The following RCC1L variants were observed in gnomAD, a reference collection of about 807,000 sequenced individuals.
RCC1L encodes the protein RCC1-like G exchanging factor-like protein.
Under a neutral mutation model 58.6 loss-of-function variants are expected in RCC1L, and 46 were observed. The ratio of observed to expected loss-of-function variants is 0.79; its 90% CI spans 0.62 to 1.00. The LOEUF (loss-of-function observed/expected upper bound fraction) is 1.00. RCC1L is among the 50% of genes least tolerant of loss of function. The pLI is 0.00. For missense variants in RCC1L, 636 were observed against 623.6 expected, an observed-to-expected ratio of 1.02 and a Z score of -0.21; for synonymous variants, 281 against 262.9, an observed-to-expected ratio of 1.07 and a Z score of -0.67.
At chr7:75,036,954 T>C (rs1052002686) in intron 10 of RCC1L, among the ~76,000 whole-genome samples, 15 of 151,822 alleles carry the variant, frequency 9.9e-5, no homozygotes, top group African/African-American at 2.9e-4. Flanking sequence ...ACTGCTGGAG[T>C]TGTGGAACCA....
At chr7:75,052,414 C>T (rs945830258) in intron 10 of RCC1L, among the ~76,000 whole-genome samples, 36 of 152,214 alleles carry the variant, frequency 2.4e-4, no homozygotes, top group Non-Finnish European at 4.7e-4. Flanking sequence ...GGGCTACTCC[C>T]TCCAACCTCC....
chr7:75,062,652 T>C (rs1806312554), intron 5 of RCC1L, among the ~76,000 whole-genome samples: 1 of 152,216 alleles, frequency 6.6e-6, no homozygotes, highest in South Asian at 2.1e-4. Context: ...CTATCATAAA[T>C]ATTTCAATGC....
chr7:75,061,219 C>T lies in RCC1L; in HGVS notation c.775G>A (p.Asp259Asn). The part of the protein sequence containing the change: ...GEVYSCGWGA[D>N]GQTGLGHYNI... The stretch of plus-strand genomic sequence containing the variant: ...AAAAGAACTCTACCTGTTTGCCCAT[C>T]AGCACCCCATCCACAAGAATAGACT... Residue 259 changes from aspartate to asparagine, a missense_variant, in exon 6 of 11, where the codon GAT becomes AAT. Coordinates refer to ENST00000610322, the MANE Select transcript of RCC1L (RefSeq NM_030798.5). The T allele has an allele frequency of 6.2e-7, 1 of 1,613,812 alleles. No individual in the cohort carries two copies. The highest frequency in any genetic ancestry group is 8.5e-7 in the Non-Finnish European group (1 of 1,179,792).
chr7:75,053,461 A>C (rs1007894732), intron 9 of RCC1L, among the ~76,000 whole-genome samples: 2 of 152,180 alleles, frequency 1.3e-5, no homozygotes, highest in Admixed American at 1.3e-4. Context: ...TTGATTGTCC[A>C]TATCTTGGGA....
At chr7:75,057,922 C>T (rs1010651768) in intron 7 of RCC1L, 5 of 379,650 alleles carry the variant, frequency 1.3e-5, no homozygotes, top group South Asian at 6.4e-5. Flanking sequence ...CTCTGGGAGG[C>T]GGAGGCAGGT....
intron 10 of RCC1L, among the ~76,000 whole-genome samples, chr7:75,046,532 A>G: frequency 6.6e-6 from 1 of 152,220 alleles, no homozygotes; most frequent in Admixed American, 6.5e-5. Context: ...CCTGGGAGCC[A>G]GCCCTAGGGA....
In RCC1L at chr7:75,049,217, A is replaced by C. The variant is rs1305661516; in HGVS notation, c.1317+3494T>G. ...TGAACATAGTTGTTTTAAAGAATAA[A>C]GATCACCCAAGCCAGTGACTCACCC... On this transcript the variant is annotated intron_variant, in intron 10 of 10. Transcript: ENST00000610322. Among the ~76,000 whole-genome samples the C allele has an allele frequency of 2.0e-5, 3 of 152,330 alleles. No homozygotes were observed. The East Asian group carries it at 5.8e-4, about 29-fold the overall frequency.
intron 7 of RCC1L, chr7:75,057,975 T>C (rs1806133649): frequency 2.9e-6 from 1 of 339,734 alleles, no homozygotes; most frequent in African/African-American, 2.2e-5. Flanking sequence ...CTGGCCAACA[T>C]GGTGAAACCC....
intron 10 of RCC1L, among the ~76,000 whole-genome samples, chr7:75,036,297 G>A (rs1422963651): frequency 1.3e-5 from 2 of 151,744 alleles, no homozygotes; most frequent in East Asian, 2.0e-4. Context: ...TGTATTTTTA[G>A]TAGAGACGGG....
chr7:75,041,633 C>T (rs1337555507), downstream of RCC1L, among the ~76,000 whole-genome samples: 2 of 151,886 alleles, frequency 1.3e-5, no homozygotes, highest in Non-Finnish European at 2.9e-5. Flanking sequence ...CCGAGGCAGG[C>T]AGATCGTCTG....
intron 10 of RCC1L, among the ~76,000 whole-genome samples, chr7:75,048,795 T>C (rs1265877464): frequency 2.0e-5 from 3 of 152,242 alleles, no homozygotes; most frequent in Non-Finnish European, 4.4e-5. Flanking sequence ...CACTGCGTGC[T>C]GCCTTCTCTC....
At chr7:75,040,364 G>A (rs1381879947), downstream of RCC1L, among the ~76,000 whole-genome samples, 10 of 152,142 alleles carry the variant, frequency 6.6e-5, no homozygotes, top group African/African-American at 2.4e-4. Flanking sequence ...GGAGGCTAAG[G>A]CAAGAGAATT....
intron 10 of RCC1L, among the ~76,000 whole-genome samples, chr7:75,037,154 C>G (rs1805447828): frequency 1.3e-5 from 2 of 152,142 alleles, no homozygotes; most frequent in African/African-American, 4.8e-5. Flanking sequence ...GAGGTGACAA[C>G]AGTATCTAGG....
rs1554445162 is a variant in RCC1L, at chr7:75,066,634, C to G, written c.583+30G>C. 10 of 1,608,004 alleles carry G rather than the reference C, an allele frequency of 6.2e-6. No homozygotes were observed. The South Asian group carries it at 9.9e-5, about 16-fold the overall frequency. Reference sequence around the variant, plus strand: ...TTCACAGTGAAATGGTCCCTGCACTCTTCCATCACCCTTCAATAGGTCAAC... The same window carrying G: ...TTCACAGTGAAATGGTCCCTGCACTGTTCCATCACCCTTCAATAGGTCAAC... On this transcript the variant is annotated intron_variant, in intron 3 of 10. Transcript: ENST00000610322.
chr7:75,068,854 A>ATATT (rs1161826676), intron 2 of RCC1L, among the ~76,000 whole-genome samples: 12 of 152,102 alleles, frequency 7.9e-5, no homozygotes, highest in South Asian at 6.2e-4. Context: ...ATGTTATTTT[A>ATATT]TATTTATTTA....
At chr7:75,051,973 A>G (rs1167210527) in intron 10 of RCC1L, among the ~76,000 whole-genome samples, 3 of 152,100 alleles carry the variant, frequency 2.0e-5, no homozygotes, top group Non-Finnish European at 4.4e-5. Context: ...TACCATGAAC[A>G]TATGTTTCAT....
chr7:75,027,266 C>T (rs1335386147), exon 11 of RCC1L: 4 of 152,468 alleles, frequency 2.6e-5, no homozygotes, highest in African/African-American at 4.8e-5. Context: ...GCTGAGAGCC[C>T]GCTGTGGCGT....
At chr7:75,056,185 G>GTT in intron 8 of RCC1L, 111 bp from the exon 9 acceptor site, 118 of 1,083,582 alleles carry the variant, frequency 1.1e-4, no homozygotes, top group Middle Eastern at 2.2e-4. Flanking sequence ...GTTTTTTTTT[G>GTT]TTTTTTTTTT....
chr7:75,062,657 C>T (rs1324983307), intron 5 of RCC1L, among the ~76,000 whole-genome samples: 2 of 152,216 alleles, frequency 1.3e-5, no homozygotes, highest in Non-Finnish European at 2.9e-5. Flanking sequence ...ATAAATATTT[C>T]AATGCACATA....
Sources: allele counts gnomAD v4.1 joint callset (sites outside exome capture counted in the v4.1 genomes callset), GRCh38; gene constraint gnomAD v4.1.1; transcripts MANE v1.5; gene names NCBI Gene and HGNC (gene_info 2026-07-23, HGNC 2026-07-21).